The following MAGI2 variants were observed in gnomAD, a reference collection of about 807,000 sequenced individuals.
The protein encoded by MAGI2 is membrane associated guanylate kinase, WW and PDZ domain containing 2, also known as membrane-associated guanylate kinase, WW and PDZ domain-containing protein 2.
A neutral mutation model predicts 133.3 loss-of-function variants in MAGI2; 35 were observed. That is an observed-to-expected ratio of 0.26 (90% CI 0.20 to 0.35). The LOEUF is 0.35. Among genes scored for constraint, MAGI2 ranks in the 10% least tolerant of loss-of-function variants. The pLI is 1.00. For missense variants in MAGI2, 1,636 were observed against 1,863.4 expected, an observed-to-expected ratio of 0.88 and a Z score of 2.25; for synonymous variants, 729 against 710.6, an observed-to-expected ratio of 1.03 and a Z score of -0.41.
intron 12 of MAGI2, 44 bp from the exon 13 acceptor site, chr7:78,185,714 C>T (rs532678155): frequency 2.7e-6 from 4 of 1,455,476 alleles, no homozygotes; most frequent in South Asian, 2.5e-5. Context: ...TCATTTATGG[C>T]ATTTTAAAAT....
intron 3 of MAGI2, among the ~76,000 whole-genome samples, chr7:78,578,901 C>A (rs565990065): frequency 1.2e-4 from 19 of 152,270 alleles, no homozygotes; most frequent in South Asian, 1.0e-3. Context: ...ACCCTCAACC[C>A]CTTTGTTGGA....
chr7:78,232,552 C>T (rs1790094301), intron 10 of MAGI2, among the ~76,000 whole-genome samples: 1 of 152,146 alleles, frequency 6.6e-6, no homozygotes, highest in South Asian at 2.1e-4. Flanking sequence ...CTTGATCTAG[C>T]ACTCCATTTA....
chr7:79,060,822 A>G (rs1384568798), intron 1 of MAGI2, among the ~76,000 whole-genome samples: 2 of 152,066 alleles, frequency 1.3e-5, no homozygotes, highest in Non-Finnish European at 1.5e-5. Flanking sequence ...GAGTACAACA[A>G]ATCCCACTAC....
chr7:78,425,204 G>C (rs1211915503), intron 6 of MAGI2, among the ~76,000 whole-genome samples: 1 of 152,150 alleles, frequency 6.6e-6, no homozygotes, highest in Non-Finnish European at 1.5e-5. Context: ...CATGAGATCT[G>C]ATGGTTTTAA....
At chr7:79,126,128 T>G (rs529540283) in intron 1 of MAGI2, among the ~76,000 whole-genome samples, 1 of 152,334 alleles carries the variant, frequency 6.6e-6, no homozygotes, top group Non-Finnish European at 1.5e-5. Context: ...CTAAACATAA[T>G]AGTCTGATCA....
chr7:78,602,705 T>C (rs1238419614), intron 3 of MAGI2, among the ~76,000 whole-genome samples: 2 of 152,148 alleles, frequency 1.3e-5, no homozygotes, highest in Non-Finnish European at 2.9e-5. Flanking sequence ...GCCATGTATG[T>C]GATTATGTGA....
chr7:79,180,634 C>A (rs2215584), intron 1 of MAGI2, among the ~76,000 whole-genome samples: 1 of 151,640 alleles, frequency 6.6e-6, no homozygotes, highest in South Asian at 2.1e-4. Context: ...TCTGCCCCAG[C>A]GCCTCCCAAA....
At chr7:78,843,593 T>C (rs1012721085) in intron 2 of MAGI2, among the ~76,000 whole-genome samples, 1 of 151,986 alleles carries the variant, frequency 6.6e-6, no homozygotes, top group Non-Finnish European at 1.5e-5. Flanking sequence ...GCATATGTTA[T>C]TTATAAAATT....
In MAGI2 at chr7:79,453,638, C is replaced by A. The variant is rs1272124651; in HGVS notation, c.-318G>T. On this transcript the variant is annotated 5_prime_UTR_variant, in exon 1 of 22. Transcript: ENST00000354212. ...GCGGCGGCGGCGGCGGCAGCCGGAG[C>A]GAGCAGTAGCCGAGCTGGTGAGCGG... 39 of 709,580 alleles carry A rather than the reference C, an allele frequency of 5.5e-5. No individual in the cohort carries two copies. Among genetic ancestry groups the A allele is most frequent in the Non-Finnish European group, 6.6e-5 (38 of 574,432 alleles). 44.0% of individuals were successfully genotyped at this position (709,580 alleles called of 1,614,324 possible). A position where few individuals can be genotyped will look rare whatever the true frequency, so the allele number is the denominator to read the frequency against.
intron 3 of MAGI2, among the ~76,000 whole-genome samples, chr7:78,549,135 G>A (rs1799121963): frequency 6.6e-6 from 1 of 151,984 alleles, no homozygotes; most frequent in African/African-American, 2.4e-5. Context: ...AAGCACTCTT[G>A]GTAAACAAAA....
chr7:78,876,522 G>T (rs1303453768), intron 2 of MAGI2, among the ~76,000 whole-genome samples: 1 of 151,894 alleles, frequency 6.6e-6, no homozygotes, highest in Non-Finnish European at 1.5e-5. Flanking sequence ...TTAACCCAAA[G>T]CAGGAGAAAA....
At chr7:79,345,482 A>C (rs1036657881) in intron 1 of MAGI2, among the ~76,000 whole-genome samples, 1 of 152,100 alleles carries the variant, frequency 6.6e-6, no homozygotes, top group Admixed American at 6.6e-5. Context: ...ACTTTGCTAC[A>C]ACAGTCCGAG....
chr7:78,471,144 T>G (rs1791162167), intron 6 of MAGI2, among the ~76,000 whole-genome samples: 1 of 152,162 alleles, frequency 6.6e-6, no homozygotes, highest in African/African-American at 2.4e-5. Flanking sequence ...ATCAGTTCTA[T>G]TCCATTAAGA....
Position 78,831,636 on chromosome 7 carries a change from T to A in MAGI2, c.418+175454A>T, listed in dbSNP as rs140718964. ...TTGATTTTTCAGAACAATGTAACAG[T>A]TACTGATTTGCCCCATTTAACTTCT... On this transcript the variant is annotated intron_variant, in intron 2 of 21. Transcript: ENST00000354212. Among the ~76,000 whole-genome samples the A allele has an allele frequency of 3.9e-5, 6 of 152,318 alleles. No individual in the cohort carries two copies. The East Asian group carries it at 1.2e-3, about 29-fold the overall frequency.
intron 1 of MAGI2, among the ~76,000 whole-genome samples, chr7:79,283,620 A>G (rs1338441615): frequency 6.6e-6 from 1 of 152,126 alleles, no homozygotes; most frequent in East Asian, 1.9e-4. Flanking sequence ...ATTATGGCCA[A>G]TAAGACAAGA....
intron 1 of MAGI2, among the ~76,000 whole-genome samples, chr7:79,320,548 A>G (rs1191184754): frequency 1.3e-5 from 2 of 152,086 alleles, no homozygotes; most frequent in Non-Finnish European, 2.9e-5. Context: ...AGCCATATAT[A>G]TGTTTTAAGT....
intron 1 of MAGI2, among the ~76,000 whole-genome samples, chr7:79,244,740 T>C (rs761834894): frequency 7.2e-5 from 11 of 152,152 alleles, no homozygotes; most frequent in Non-Finnish European, 1.3e-4. Flanking sequence ...GCCAGTGGAC[T>C]TGGGGGACAT....
At chr7:78,284,222 C>G (rs1474233198) in intron 9 of MAGI2, among the ~76,000 whole-genome samples, 1 of 152,018 alleles carries the variant, frequency 6.6e-6, no homozygotes, top group Non-Finnish European at 1.5e-5. Flanking sequence ...TTCCCCTAGG[C>G]AAATGTTTTT....
chr7:78,432,390 T>A (rs188279151), intron 6 of MAGI2, among the ~76,000 whole-genome samples: 19 of 152,208 alleles, frequency 1.2e-4, no homozygotes, highest in Non-Finnish European at 2.1e-4. Flanking sequence ...TAACCGTGCT[T>A]AGACACGTAG....
Sources: gnomAD v4.1 joint callset for allele counts (sites outside exome capture counted in the v4.1 genomes callset) on GRCh38, gnomAD v4.1.1 for gene constraint, MANE v1.5 for transcripts, NCBI Gene and HGNC (gene_info 2026-07-23, HGNC 2026-07-21) for gene names.